Variants in RABGAP1L observed in about 807,000 individuals in gnomAD.
The protein encoded by RABGAP1L is rab GTPase-activating protein 1-like.
Under a neutral mutation model 137.7 loss-of-function variants are expected in RABGAP1L, and 63 were observed. That is an observed-to-expected ratio of 0.46 (90% CI 0.37 to 0.56). RABGAP1L has a LOEUF of 0.56. Among genes scored for constraint, RABGAP1L ranks in the 20% least tolerant of loss-of-function variants. The pLI, the probability that RABGAP1L is intolerant of heterozygous loss-of-function variation, is 0.00. For synonymous variants in RABGAP1L, 431 were observed against 433.7 expected (o/e 0.99, Z 0.08); for missense variants, 1,095 against 1,244.0 (o/e 0.88, Z 1.80).
At chr1:174,518,888 T>C (rs570180683) in intron 13 of RABGAP1L, among the ~76,000 whole-genome samples, 2 of 152,276 alleles carry the variant, frequency 1.3e-5, no homozygotes, top group South Asian at 4.1e-4. Flanking sequence ...AAAGTTTGTA[T>C]TTTACAGTAG....
At chr1:174,959,184 TC>T (rs1400908963) in intron 20 of RABGAP1L, among the ~76,000 whole-genome samples, 1 of 152,244 alleles carries the variant, frequency 6.6e-6, no homozygotes, top group Non-Finnish European at 1.5e-5. Context: ...AAGCTAATTT[TC>T]ACCACCAACA....
At chr1:174,961,666 G>A (rs886686860) in intron 20 of RABGAP1L, among the ~76,000 whole-genome samples, 3 of 150,624 alleles carry the variant, frequency 2.0e-5, no homozygotes, top group African/African-American at 7.3e-5. Flanking sequence ...CCAACATGGT[G>A]AAATGCTGCT....
At chr1:174,486,514 T>C (rs1659673262) in intron 13 of RABGAP1L, among the ~76,000 whole-genome samples, 2 of 151,860 alleles carry the variant, frequency 1.3e-5, no homozygotes, top group Non-Finnish European at 2.9e-5. Context: ...ACCCAGCTAA[T>C]TTTTCGTATT....
At chr1:174,411,715 A>G (rs1305845031) in intron 13 of RABGAP1L, among the ~76,000 whole-genome samples, 1 of 151,908 alleles carries the variant, frequency 6.6e-6, no homozygotes, top group Admixed American at 6.6e-5. Context: ...GTAATTTTTG[A>G]TTTCTGCCTT....
chr1:174,283,558 G>A (rs1675772369), intron 10 of RABGAP1L, among the ~76,000 whole-genome samples: 1 of 151,894 alleles, frequency 6.6e-6, no homozygotes, highest in Admixed American at 6.6e-5. Flanking sequence ...CCAGGCTGGA[G>A]TGCAGTGGCA....
At chr1:174,313,055 G>A (rs1377509588) in intron 11 of RABGAP1L, among the ~76,000 whole-genome samples, 1 of 152,110 alleles carries the variant, frequency 6.6e-6, no homozygotes, top group Non-Finnish European at 1.5e-5. Context: ...AGCCTCCCGA[G>A]TAGCTGGGAC....
chr1:174,277,076 A>C lies in RABGAP1L; in HGVS notation c.1156+1141A>C, dbSNP rs904921121. On this transcript the variant is annotated intron_variant, in intron 9 of 25. Transcript: ENST00000681986. ...AAGCATTCGTGAATACTGATATGAAAATATAATATGTTAATGAAGGGCATT... is the reference window on the plus strand; with the variant it reads ...AAGCATTCGTGAATACTGATATGAACATATAATATGTTAATGAAGGGCATT... 2.0e-5 allele frequency among the ~76,000 whole-genome samples: 3 copies of C among 152,164 alleles called. No homozygotes were observed. In the South Asian group the frequency reaches 6.2e-4, roughly 31 times the overall value.
chr1:174,260,538 T>C (rs577011167), intron 7 of RABGAP1L, among the ~76,000 whole-genome samples: 1 of 152,278 alleles, frequency 6.6e-6, no homozygotes, highest in Admixed American at 6.5e-5. Flanking sequence ...AGCTTACTTA[T>C]TGAGGGTCTC....
intron 13 of RABGAP1L, among the ~76,000 whole-genome samples, chr1:174,539,022 T>G (rs1665129394): frequency 6.6e-6 from 1 of 151,942 alleles, no homozygotes; most frequent in South Asian, 2.1e-4. Context: ...TTGCCCGGGG[T>G]CACACAAAAG....
chr1:174,863,954 T>A (rs1650759678), intron 19 of RABGAP1L, among the ~76,000 whole-genome samples: 1 of 152,176 alleles, frequency 6.6e-6, no homozygotes, highest in Non-Finnish European at 1.5e-5. Flanking sequence ...CACTCCAGCC[T>A]TGGCAACAAA....
intron 10 of RABGAP1L, among the ~76,000 whole-genome samples, chr1:174,292,947 G>A (rs1676767080): frequency 6.6e-6 from 1 of 152,106 alleles, no homozygotes; most frequent in African/African-American, 2.4e-5. Flanking sequence ...CTCTATTGAG[G>A]TGTAAGTGCC....
chr1:174,675,244 C>A lies in RABGAP1L; in HGVS notation c.1825-8278C>A, dbSNP rs1677523501. ...TAGGTCTAACATTTAAGTCTTTAAT[C>A]CATCTTGAATTAATTTTTGTATAAG... On this transcript the variant is annotated intron_variant, in intron 14 of 25. Transcript: ENST00000681986. 3.3e-5 allele frequency among the ~76,000 whole-genome samples: 5 copies of A among 151,868 alleles called. No homozygotes were observed. In the South Asian group the frequency reaches 1.0e-3, roughly 32 times the overall value.
intron 13 of RABGAP1L, among the ~76,000 whole-genome samples, chr1:174,423,671 G>C (rs1016823034): frequency 6.6e-6 from 1 of 152,012 alleles, no homozygotes; most frequent in Admixed American, 6.6e-5. Flanking sequence ...CCCTTTTGGA[G>C]GTCTTTTGAA....
intron 18 of RABGAP1L, among the ~76,000 whole-genome samples, chr1:174,769,082 C>T (rs72715301): frequency 7.5e-4 from 114 of 152,126 alleles, no homozygotes; most frequent in Non-Finnish European, 1.4e-3. Context: ...CAAACAAAAT[C>T]AATTCATGGA....
chr1:174,299,775 T>C (rs1376529242), intron 10 of RABGAP1L, among the ~76,000 whole-genome samples: 1 of 152,250 alleles, frequency 6.6e-6, no homozygotes, highest in African/African-American at 2.4e-5. Context: ...TTGCTTGATA[T>C]TCATGAATAT....
intron 19 of RABGAP1L, among the ~76,000 whole-genome samples, chr1:174,816,883 A>T (rs372581368): frequency 6.6e-6 from 1 of 152,046 alleles, no homozygotes; most frequent in African/African-American, 2.4e-5. Flanking sequence ...GGCGTGCGCC[A>T]CCATGCCTGG....
At chr1:174,842,483 ATAAT>A (rs1464068041) in intron 19 of RABGAP1L, among the ~76,000 whole-genome samples, 1 of 152,204 alleles carries the variant, frequency 6.6e-6, no homozygotes, top group Non-Finnish European at 1.5e-5. Context: ...CACTGCATAA[ATAAT>A]TCATATTTGC....
At chr1:174,721,201 A>T (rs73026457) in intron 17 of RABGAP1L, among the ~76,000 whole-genome samples, 1 of 152,224 alleles carries the variant, frequency 6.6e-6, no homozygotes, top group African/African-American at 2.4e-5. Flanking sequence ...TTTCTGTCCC[A>T]TATGAGAGTT....
intron 13 of RABGAP1L, among the ~76,000 whole-genome samples, chr1:174,436,340 C>A (rs145310936): frequency 7.2e-5 from 11 of 151,768 alleles, no homozygotes; most frequent in African/African-American, 2.7e-4. Flanking sequence ...TTTTAATGAT[C>A]GCCATTCTAA....
Sources: allele counts gnomAD v4.1 joint callset (sites outside exome capture counted in the v4.1 genomes callset), GRCh38; gene constraint gnomAD v4.1.1; transcripts MANE v1.5; gene names NCBI Gene and HGNC (gene_info 2026-07-23, HGNC 2026-07-21).